The following CIT variants were observed in gnomAD, a reference collection of about 807,000 sequenced individuals.
CIT encodes citron Rho-interacting kinase.
Under a neutral mutation model 272.7 loss-of-function variants are expected in CIT, and 79 were observed. The observed-to-expected ratio is 0.29, with a 90% CI of 0.24 to 0.35. The LOEUF (loss-of-function observed/expected upper bound fraction) is 0.35. Ranked by LOEUF, CIT falls within the 10% of genes least tolerant of loss-of-function variation. The pLI is 1.00. For missense variants in CIT, 1,909 were observed against 2,618.3 expected, an observed-to-expected ratio of 0.73 and a Z score of 5.91; for synonymous variants, 948 against 995.6, an observed-to-expected ratio of 0.95 and a Z score of 0.90.
In CIT at chr12:119,704,308, TGA is replaced by T. The variant is rs1177866884; in HGVS notation, c.5304+53_5304+54del. The T allele has an allele frequency of 8.5e-6, 13 of 1,528,168 alleles. No homozygotes were observed. In the East Asian group the frequency reaches 1.6e-4, roughly 19 times the overall value. The allele number at this position is 1,528,168 out of a possible 1,614,324, so 94.7% of individuals were successfully genotyped here. ...CAGTGCACTTTCCACACTGGCTCGC[TGA>T]GAGAGCAGGACTGGCTTTCCCACGT... On this transcript the variant is annotated intron_variant, in intron 41 of 47. Transcript: ENST00000392521.
chr12:119,817,093 C>T lies in CIT; in HGVS notation c.1111+5727G>A, dbSNP rs1031641724. Among the ~76,000 whole-genome samples the T allele has an allele frequency of 3.3e-5, 5 of 152,204 alleles. No individual in the cohort carries two copies. The East Asian group carries it at 7.7e-4, about 23-fold the overall frequency. ...AATCCCAAGATTAGAAGTGGGCCATCGATCCAACATTGTCCTTTCCCAGGC... is the reference window on the plus strand; with the variant it reads ...AATCCCAAGATTAGAAGTGGGCCATTGATCCAACATTGTCCTTTCCCAGGC... On this transcript the variant is annotated intron_variant, in intron 9 of 47. Coordinates refer to ENST00000392521, the MANE Select transcript of CIT (RefSeq NM_001206999.2).
intron 23 of CIT, among the ~76,000 whole-genome samples, chr12:119,743,219 A>G (rs1442690158): frequency 1.3e-5 from 2 of 151,986 alleles, no homozygotes; most frequent in Non-Finnish European, 2.9e-5. Context: ...GAAAACAAAT[A>G]GGGACCAGTT....
Position 119,710,827 on chromosome 12 carries a change from TGTTA to T in CIT, c.4855-211_4855-208del. ...GTGCTATTGGTATCTCTGGGGCAGC[TGTTA>T]ATTAGCATCTGAGTTATAATTTGGC... On this transcript the variant is annotated intron_variant, in intron 37 of 47. Transcript: ENST00000392521. This position sits in a 1 kb window ranked among gnomAD's most constrained non-coding sequence, Gnocchi z 5.6. The T allele has an allele frequency of 1.5e-6, 1 of 647,032 alleles. No homozygotes were observed. Among genetic ancestry groups the T allele is most frequent in the Admixed American group, 2.8e-5 (1 of 35,838 alleles). The allele number at this position is 647,032 out of a possible 1,614,324, so 40.1% of individuals were successfully genotyped here. A position where few individuals can be genotyped will look rare whatever the true frequency, so the allele number is the denominator to read the frequency against.
intron 39 of CIT, among the ~76,000 whole-genome samples, chr12:119,709,229 A>C (rs1379054758): frequency 6.6e-6 from 1 of 152,188 alleles, no homozygotes; most frequent in African/African-American, 2.4e-5. Flanking sequence ...TATGTTTTTC[A>C]AAACCCATAG....
At chr12:119,789,090 A>C (rs1965071422) in intron 10 of CIT, among the ~76,000 whole-genome samples, 1 of 152,170 alleles carries the variant, frequency 6.6e-6, no homozygotes, top group Admixed American at 6.5e-5. Context: ...GAGACCTTTT[A>C]AAAAACACCT....
intron 25 of CIT, 172 bp from the exon 26 acceptor site, chr12:119,734,529 G>GT (rs1456706917): frequency 1.3e-5 from 9 of 672,316 alleles, no homozygotes; most frequent in Admixed American, 2.4e-5. Context: ...TGAAGGGCCA[G>GT]TTCTGCAGCC....
At position 119,827,379 on chromosome 12, in the gene CIT, C is replaced by T. The variant is rs544755446; in HGVS notation, c.754-2011G>A. On this transcript the variant is annotated intron_variant, in intron 7 of 47. Transcript: ENST00000392521. Reference sequence around the variant, plus strand: ...TAATATGTATGTAAATGTTAAAGAGCTCAGCACAGGTTAGGGTTAAACTAA... The same window carrying T: ...TAATATGTATGTAAATGTTAAAGAGTTCAGCACAGGTTAGGGTTAAACTAA... 5.9e-5 allele frequency among the ~76,000 whole-genome samples: 9 copies of T among 152,082 alleles called. No homozygotes were observed. The East Asian group carries it at 1.5e-3, about 26-fold the overall frequency.
chr12:119,699,187 T>C (rs967509542), intron 44 of CIT, among the ~76,000 whole-genome samples: 4 of 138,676 alleles, frequency 2.9e-5, no homozygotes, highest in Non-Finnish European at 6.0e-5. Context: ...ACCCGGGAGG[T>C]AGAGGTTGCA....
intron 10 of CIT, among the ~76,000 whole-genome samples, chr12:119,802,718 C>T (rs979472256): frequency 1.3e-5 from 2 of 152,210 alleles, no homozygotes; most frequent in African/African-American, 4.8e-5. Flanking sequence ...GGTTCAGCCA[C>T]TTGCAGCTCA....
In CIT at chr12:119,731,780, C is replaced by T. The variant is rs374801035; in HGVS notation, c.3351-1150G>A. 4.7e-5 allele frequency among the ~76,000 whole-genome samples: 7 copies of T among 149,218 alleles called. No homozygotes were observed. The East Asian group carries it at 7.8e-4, about 17-fold the overall frequency. The stretch of plus-strand genomic sequence containing the variant: ...TTCTCAGGAGCAACCTCACCTTGTT[C>T]TGTAACAAAAGCATAACTGTATTTC... On this transcript the variant is annotated intron_variant, in intron 26 of 47. Coordinates refer to ENST00000392521, the MANE Select transcript of CIT (RefSeq NM_001206999.2).
intron 2 of CIT, among the ~76,000 whole-genome samples, chr12:119,869,834 T>A (rs1002206216): frequency 2.0e-5 from 3 of 152,190 alleles, no homozygotes; most frequent in Non-Finnish European, 2.9e-5. Flanking sequence ...TCTGGCTTCT[T>A]TTGAAACACT....
chr12:119,783,203 C>T (rs1463051431), intron 12 of CIT: 1 of 152,268 alleles, frequency 6.6e-6, no homozygotes, highest in Non-Finnish European at 1.5e-5. Flanking sequence ...ACTTCACCCA[C>T]CACTGAAAGG....
At chr12:119,726,650 G>A (rs1958130061) in intron 28 of CIT, among the ~76,000 whole-genome samples, 2 of 152,104 alleles carry the variant, frequency 1.3e-5, no homozygotes, top group South Asian at 4.1e-4. Context: ...CCAGAACAGG[G>A]CATTCTGGTT....
At chr12:119,742,488 A>G (rs1959105541) in intron 23 of CIT, 24 bp from the exon 24 acceptor site, 2 of 1,585,954 alleles carry the variant, frequency 1.3e-6, no homozygotes, top group Middle Eastern at 3.4e-4. Context: ...AGTTGATTAT[A>G]AATTTTTCAT....
chr12:119,815,881 C>T (rs947261311), intron 9 of CIT, among the ~76,000 whole-genome samples: 5 of 152,136 alleles, frequency 3.3e-5, no homozygotes, highest in Middle Eastern at 3.4e-3. Context: ...AGGCATTTTT[C>T]GCCGTATAAC....
intron 2 of CIT, among the ~76,000 whole-genome samples, chr12:119,873,831 A>C (rs1950757308): frequency 6.6e-6 from 1 of 152,108 alleles, no homozygotes; most frequent in South Asian, 2.1e-4. Context: ...TCTTACAGGT[A>C]TCCTACATAA....
chr12:119,698,656 G>T (rs1260101008), intron 44 of CIT, among the ~76,000 whole-genome samples: 8 of 151,834 alleles, frequency 5.3e-5, no homozygotes, highest in Non-Finnish European at 1.0e-4. Context: ...TGCATGAAAA[G>T]GCTCTCTTTG....
chr12:119,776,520 T>A, intron 14 of CIT, 112 bp from the exon 15 acceptor site: 2 of 1,146,874 alleles, frequency 1.7e-6, no homozygotes, highest in South Asian at 2.8e-5. Flanking sequence ...AAGAATAATG[T>A]TATCTTCTGT....
chr12:119,806,027 C>T lies in CIT; in HGVS notation c.1112-2638G>A, dbSNP rs1350128254. Among the ~76,000 whole-genome samples, 3 of 151,220 alleles carry T rather than the reference C, an allele frequency of 2.0e-5. No homozygotes were observed. The East Asian group carries it at 5.8e-4, about 29-fold the overall frequency. On this transcript the variant is annotated intron_variant, in intron 9 of 47. Transcript: ENST00000392521. ...TGGTGCATGCCTGTAGTCCCAGCTA[C>T]TTGGGAGGCTGAGGCAAGAGAATCG...
Sources: allele counts gnomAD v4.1 joint callset (sites outside exome capture counted in the v4.1 genomes callset), GRCh38; gene constraint gnomAD v4.1.1; non-coding constraint Gnocchi (gnomAD v3.1); transcripts MANE v1.5; gene names NCBI Gene and HGNC (gene_info 2026-07-23, HGNC 2026-07-21).